LDLRAD4: variants seen among roughly 807,000 people sequenced by gnomAD.
LDLRAD4 encodes low density lipoprotein receptor class A domain containing 4, also known as low-density lipoprotein receptor class A domain-containing protein 4.
LDLRAD4 carries 5 observed loss-of-function variants against 17.0 expected under a neutral mutation model. That is an observed-to-expected ratio of 0.29 (90% CI 0.15 to 0.62). The LOEUF (loss-of-function observed/expected upper bound fraction) is 0.62, where lower values mean the gene tolerates loss of function less well. Ranked by LOEUF, LDLRAD4 falls within the 20% of genes least tolerant of loss-of-function variation. LDLRAD4 has a pLI of 0.84. For synonymous variants in LDLRAD4, 168 were observed against 171.8 expected, an observed-to-expected ratio of 0.98 and a Z score of 0.17; for missense variants, 340 against 424.7, an observed-to-expected ratio of 0.80 and a Z score of 1.75.
intron 1 of LDLRAD4, among the ~76,000 whole-genome samples, chr18:13,245,466 G>C (rs2042909729): frequency 6.6e-6 from 1 of 152,168 alleles, no homozygotes; most frequent in Non-Finnish European, 1.5e-5. Flanking sequence ...TGGGGCATTG[G>C]CATTATTAGC....
upstream of LDLRAD4, chr18:13,218,109 G>C (rs1052086276): frequency 6.6e-6 from 1 of 152,076 alleles, no homozygotes; most frequent in Admixed American, 6.5e-5. Context: ...GTGCGGACCC[G>C]AGGTGGCCGC....
At chr18:13,259,469 C>A (rs1299611955) in intron 1 of LDLRAD4, among the ~76,000 whole-genome samples, 5 of 152,192 alleles carry the variant, frequency 3.3e-5, no homozygotes, top group Non-Finnish European at 7.3e-5. Flanking sequence ...AGCTGCTGAA[C>A]CCAGCCCTCC....
At chr18:13,277,260 GT>G (rs2044936708), upstream of LDLRAD4, among the ~76,000 whole-genome samples, 1 of 152,204 alleles carries the variant, frequency 6.6e-6, no homozygotes, top group Admixed American at 6.5e-5. Flanking sequence ...CAGACAGATG[GT>G]GGCTTAGTCC....
At chr18:13,570,422 G>A (rs2094673309) in intron 3 of LDLRAD4, among the ~76,000 whole-genome samples, 5 of 152,246 alleles carry the variant, frequency 3.3e-5, no homozygotes, top group Admixed American at 3.3e-4. Context: ...GAGTGGCAGA[G>A]ACTCCAGCGA....
chr18:13,267,267 C>T lies in LDLRAD4; in HGVS notation c.-466-10838C>T, dbSNP rs1380251703. ...AAAATTATCAAAGTAATGTTTGGAA[C>T]GTCTGGAAACTCTACTTCTGATCAC... is the stretch of plus-strand genomic sequence containing the variant. On this transcript the variant is annotated intron_variant, in intron 1 of 5. Transcript: ENST00000399848. Among the ~76,000 whole-genome samples the T allele has an allele frequency of 2.6e-5, 4 of 152,244 alleles. No homozygotes were observed. The East Asian group carries it at 5.8e-4, about 22-fold the overall frequency.
At chr18:13,348,593 C>T (rs1243616629) in intron 1 of LDLRAD4, among the ~76,000 whole-genome samples, 2 of 152,176 alleles carry the variant, frequency 1.3e-5, no homozygotes, top group Non-Finnish European at 1.5e-5. Context: ...CTACTGTCTT[C>T]CAAGCTGTCA....
chr18:13,225,561 G>A (rs560131293), intron 1 of LDLRAD4, among the ~76,000 whole-genome samples: 2 of 152,372 alleles, frequency 1.3e-5, no homozygotes, highest in South Asian at 4.1e-4. Context: ...GCTCTCAGTA[G>A]CCACGCATTG....
At chr18:13,541,973 G>C (rs772760163) in intron 3 of LDLRAD4, among the ~76,000 whole-genome samples, 1 of 152,184 alleles carries the variant, frequency 6.6e-6, no homozygotes, top group Non-Finnish European at 1.5e-5. Flanking sequence ...CTACTGGGGA[G>C]GCTGGGGTGG....
chr18:13,536,168 A>G (rs945960994), intron 3 of LDLRAD4, among the ~76,000 whole-genome samples: 2 of 152,138 alleles, frequency 1.3e-5, no homozygotes, highest in Admixed American at 6.5e-5. Flanking sequence ...TTTGTCACCT[A>G]TTCGAAGAAG....
intron 4 of LDLRAD4, among the ~76,000 whole-genome samples, chr18:13,636,027 C>T (rs1039268221): frequency 7.2e-5 from 11 of 151,870 alleles, no homozygotes; most frequent in East Asian, 1.9e-4. Context: ...CTGCCTTTGG[C>T]GTGTTTACTG....
intron 1 of LDLRAD4, among the ~76,000 whole-genome samples, chr18:13,268,480 A>G (rs1293639599): frequency 6.6e-6 from 1 of 152,212 alleles, no homozygotes; most frequent in Non-Finnish European, 1.5e-5. Context: ...GCTACCTCTT[A>G]CAAGGAGCCT....
rs191508914 is a variant in LDLRAD4, at chr18:13,450,303, G to A, written c.181+11919G>A. 5.5e-5 allele frequency among the ~76,000 whole-genome samples: 8 copies of A among 146,050 alleles called. No individual in the cohort carries two copies. In the East Asian group the frequency reaches 1.6e-3, roughly 30 times the overall value. ...CTGGAAATGACAGGACCTGGGGCCA[G>A]TGCAGTTAGCTTCTCTCCCCCCACC... On this transcript the variant is annotated intron_variant, in intron 3 of 5. Transcript: ENST00000359446.
chr18:13,351,864 A>G (rs1476181817), intron 1 of LDLRAD4, among the ~76,000 whole-genome samples: 5 of 152,244 alleles, frequency 3.3e-5, no homozygotes, highest in African/African-American at 4.8e-5. Context: ...AACATTTTCA[A>G]TAAGATACTG....
chr18:13,642,349 C>T (rs1181004869), intron 4 of LDLRAD4: 2 of 1,009,040 alleles, frequency 2.0e-6, no homozygotes, highest in Non-Finnish European at 2.4e-6. Flanking sequence ...GACAGCCCCG[C>T]GGACCCTGCT....
chr18:13,244,612 G>A (rs1044115906), intron 1 of LDLRAD4, among the ~76,000 whole-genome samples: 4 of 152,124 alleles, frequency 2.6e-5, no homozygotes, highest in Non-Finnish European at 4.4e-5. Flanking sequence ...ACCCATGTGG[G>A]TTGTATTGTG....
intron 1 of LDLRAD4, among the ~76,000 whole-genome samples, chr18:13,293,264 C>T (rs542761312): frequency 6.6e-6 from 1 of 152,200 alleles, no homozygotes; most frequent in African/African-American, 2.4e-5. Flanking sequence ...GGAGAGGAGA[C>T]AATATTCCAG....
intron 3 of LDLRAD4, among the ~76,000 whole-genome samples, chr18:13,477,697 G>A (rs1015785703): frequency 1.3e-5 from 2 of 152,172 alleles, no homozygotes; most frequent in African/African-American, 4.8e-5. Context: ...GTGAGCCCAG[G>A]GGATATCTAA....
chr18:13,233,263 T>C (rs1344600103), intron 1 of LDLRAD4, among the ~76,000 whole-genome samples: 2 of 152,224 alleles, frequency 1.3e-5, no homozygotes, highest in Non-Finnish European at 2.9e-5. Flanking sequence ...CTGGATGATG[T>C]AGTGCTGCTG....
intron 1 of LDLRAD4, among the ~76,000 whole-genome samples, chr18:13,304,301 G>T (rs2046782995): frequency 6.6e-6 from 1 of 152,228 alleles, no homozygotes; most frequent in South Asian, 2.1e-4. Context: ...GGTGTGGGCA[G>T]CGTGGGGAAG....
Sources: allele counts gnomAD v4.1 joint callset (sites outside exome capture counted in the v4.1 genomes callset), GRCh38; gene constraint gnomAD v4.1.1; transcripts MANE v1.5; gene names NCBI Gene and HGNC (gene_info 2026-07-23, HGNC 2026-07-21).